GPC5: variants seen among roughly 807,000 people sequenced by gnomAD.
GPC5 encodes glypican 5.
A neutral mutation model predicts 53.9 loss-of-function variants in GPC5; 47 were observed. The ratio of observed to expected loss-of-function variants is 0.87; its 90% CI spans 0.69 to 1.11. The LOEUF is 1.11. Among genes scored for constraint, GPC5 ranks in the 50% most tolerant of loss-of-function variants. The pLI is 0.00. For missense variants in GPC5, 748 were observed against 713.1 expected (o/e 1.05, Z -0.56); for synonymous variants, 286 against 263.3 (o/e 1.09, Z -0.84).
chr13:92,293,989 C>T (rs903399466), intron 7 of GPC5, among the ~76,000 whole-genome samples: 1 of 152,042 alleles, frequency 6.6e-6, no homozygotes, highest in Non-Finnish European at 1.5e-5. Context: ...TGTGGTATAT[C>T]ACATTTATTG....
chr13:92,259,368 T>A (rs2042749216), intron 7 of GPC5, among the ~76,000 whole-genome samples: 1 of 152,146 alleles, frequency 6.6e-6, no homozygotes, highest in Non-Finnish European at 1.5e-5. Flanking sequence ...GCATAGGATA[T>A]AAAAAAAGAC....
At chr13:92,842,344 G>T (rs1878455455) in intron 7 of GPC5, among the ~76,000 whole-genome samples, 1 of 152,082 alleles carries the variant, frequency 6.6e-6, no homozygotes, top group Non-Finnish European at 1.5e-5. Context: ...CCTTCTCGAG[G>T]TCCTTTGAGA....
chr13:92,527,845 T>C (rs1881422148), intron 7 of GPC5, among the ~76,000 whole-genome samples: 1 of 152,112 alleles, frequency 6.6e-6, no homozygotes, highest in Non-Finnish European at 1.5e-5. Flanking sequence ...AATTTCAAGC[T>C]ACAAATAGAT....
intron 5 of GPC5, among the ~76,000 whole-genome samples, chr13:91,767,265 C>T (rs140204203): frequency 1.3e-5 from 2 of 152,286 alleles, no homozygotes; most frequent in Non-Finnish European, 2.9e-5. Flanking sequence ...GAAATTATGT[C>T]TTAATGGGCA....
chr13:91,986,673 T>C (rs556253279), intron 6 of GPC5, among the ~76,000 whole-genome samples: 1 of 152,326 alleles, frequency 6.6e-6, no homozygotes, highest in Non-Finnish European at 1.5e-5. Flanking sequence ...TAATTAGACA[T>C]GTATATCATC....
chr13:92,625,568 C>T (rs1181691340), intron 7 of GPC5, among the ~76,000 whole-genome samples: 1 of 152,142 alleles, frequency 6.6e-6, no homozygotes, highest in Non-Finnish European at 1.5e-5. Flanking sequence ...TAAATTTGTC[C>T]TGGTGCAATT....
intron 6 of GPC5, among the ~76,000 whole-genome samples, chr13:91,950,678 A>G (rs1171437595): frequency 6.6e-6 from 1 of 152,214 alleles, no homozygotes; most frequent in Non-Finnish European, 1.5e-5. Flanking sequence ...CAGTGTCAGT[A>G]TCTACCATGT....
intron 2 of GPC5, among the ~76,000 whole-genome samples, chr13:91,519,028 G>T (rs906609262): frequency 1.3e-5 from 2 of 152,160 alleles, no homozygotes; most frequent in Non-Finnish European, 2.9e-5. Context: ...TGAAATACGG[G>T]ACGTGTGAAA....
chr13:92,234,407 C>A (rs979366378), intron 7 of GPC5, among the ~76,000 whole-genome samples: 3 of 152,060 alleles, frequency 2.0e-5, no homozygotes, highest in Non-Finnish European at 2.9e-5. Flanking sequence ...CTCTGATGGC[C>A]AGTGATGATG....
chr13:92,013,519 T>C (rs2138778863), intron 6 of GPC5, among the ~76,000 whole-genome samples: 1 of 152,252 alleles, frequency 6.6e-6, no homozygotes, highest in South Asian at 2.1e-4. Flanking sequence ...AAAGGCAACA[T>C]TTGATTGGCA....
chr13:91,510,977 T>C (rs1885202972), intron 2 of GPC5, among the ~76,000 whole-genome samples: 1 of 152,194 alleles, frequency 6.6e-6, no homozygotes. Context: ...TTTTTTATAC[T>C]GTACTGCTTT....
chr13:91,422,386 A>G (rs775910520), intron 1 of GPC5, among the ~76,000 whole-genome samples: 16 of 152,170 alleles, frequency 1.1e-4, no homozygotes, highest in Non-Finnish European at 2.2e-4. Flanking sequence ...CTGTAATACC[A>G]GTGCTTTGGG....
chr13:92,233,388 C>G (rs1047249688), intron 7 of GPC5, among the ~76,000 whole-genome samples: 5 of 152,186 alleles, frequency 3.3e-5, no homozygotes, highest in African/African-American at 9.7e-5. Context: ...AATGCAAACA[C>G]TAGGTCATCG....
intron 7 of GPC5, among the ~76,000 whole-genome samples, chr13:92,232,706 G>A (rs1432072624): frequency 6.6e-6 from 1 of 152,182 alleles, no homozygotes; most frequent in Non-Finnish European, 1.5e-5. Context: ...AAAGACTTTG[G>A]TGACTGTAAA....
chr13:91,893,829 G>C lies in GPC5; in HGVS notation c.1281-14108G>C, dbSNP rs1461591496. Among the ~76,000 whole-genome samples the C allele has an allele frequency of 2.0e-5, 3 of 151,866 alleles. No homozygotes were observed. The East Asian group carries it at 5.8e-4, about 29-fold the overall frequency. ...TATTCCATTGTTTACATTTTAGCTA[G>C]GAATAGCGTAATTGTGTAAGAAAAA... On this transcript the variant is annotated intron_variant, in intron 5 of 7. Transcript: ENST00000377067.
At position 92,756,530 on chromosome 13, in the gene GPC5, G is replaced by A. The variant is rs1399047186; in HGVS notation, c.1562-109752G>A. Among the ~76,000 whole-genome samples the A allele has an allele frequency of 5.9e-5, 9 of 152,136 alleles. No homozygotes were observed. In the South Asian group the frequency reaches 1.9e-3, roughly 32 times the overall value. Reference sequence around the variant, plus strand: ...AAAGGGTATTCAATTAGGAAAACAGGAAGTCAAATTGTCCCTGTTTGCAGA... The same window carrying A: ...AAAGGGTATTCAATTAGGAAAACAGAAAGTCAAATTGTCCCTGTTTGCAGA... On this transcript the variant is annotated intron_variant, in intron 7 of 7. Transcript: ENST00000377067.
At chr13:92,417,608 C>T (rs1215272260) in intron 7 of GPC5, among the ~76,000 whole-genome samples, 1 of 152,112 alleles carries the variant, frequency 6.6e-6, no homozygotes, top group Non-Finnish European at 1.5e-5. Context: ...TGTGGTGGCT[C>T]ATGGTTGTAG....
At chr13:91,833,552 C>G (rs182899526) in intron 5 of GPC5, among the ~76,000 whole-genome samples, 4 of 152,148 alleles carry the variant, frequency 2.6e-5, no homozygotes, top group African/African-American at 9.7e-5. Context: ...TCATCCACCA[C>G]GATCAAGTCG....
intron 2 of GPC5, among the ~76,000 whole-genome samples, chr13:91,594,792 C>T (rs1278561168): frequency 6.6e-6 from 1 of 151,952 alleles, no homozygotes; most frequent in Non-Finnish European, 1.5e-5. Flanking sequence ...AATCCTCTCA[C>T]CTCAGCCTCT....
Sources: allele counts gnomAD v4.1 joint callset (sites outside exome capture counted in the v4.1 genomes callset), GRCh38; gene constraint gnomAD v4.1.1; transcripts MANE v1.5; gene names NCBI Gene and HGNC (gene_info 2026-07-23, HGNC 2026-07-21).